Variants in ARHGEF18 observed in about 807,000 individuals in gnomAD.
ARHGEF18 encodes Rho/Rac guanine nucleotide exchange factor 18.
A neutral mutation model predicts 155.7 loss-of-function variants in ARHGEF18; 93 were observed. The ratio of observed to expected loss-of-function variants is 0.60; its 90% confidence interval spans 0.50 to 0.71. The LOEUF (loss-of-function observed/expected upper bound fraction) is 0.71. Ranked by LOEUF, ARHGEF18 falls within the 30% of genes least tolerant of loss-of-function variation. The probability of loss-of-function intolerance (pLI) is 0.00; values close to 1 mark genes in which losing one functional copy is unlikely to be tolerated. For missense variants in ARHGEF18, 1,593 were observed against 1,816.1 expected (o/e 0.88, Z 2.23); for synonymous variants, 742 against 753.1 (o/e 0.99, Z 0.24).
At chr19:7,437,379 G>A (rs62109763) in intron 10 of ARHGEF18, among the ~76,000 whole-genome samples, 60,091 of 148,792 alleles carry the variant, frequency 0.4, 12,753 homozygotes, top group East Asian at 0.6. Flanking sequence ...CTGAGATCAC[G>A]CCATTGCACT....
intron 10 of ARHGEF18, among the ~76,000 whole-genome samples, chr19:7,383,558 A>C (rs1328403480): frequency 6.6e-6 from 1 of 152,102 alleles, no homozygotes; most frequent in African/African-American, 2.4e-5. Flanking sequence ...GGGGGCTTAA[A>C]GTCTGAGATC....
At chr19:7,380,226 C>A (rs1028383239) in intron 7 of ARHGEF18, among the ~76,000 whole-genome samples, 1 of 151,862 alleles carries the variant, frequency 6.6e-6, no homozygotes, top group African/African-American at 2.4e-5. Context: ...CACCTGTAAT[C>A]CCAGCACTTT....
intron 10 of ARHGEF18, among the ~76,000 whole-genome samples, chr19:7,392,174 G>C (rs1971438506): frequency 6.8e-6 from 1 of 147,742 alleles, no homozygotes; most frequent in South Asian, 2.2e-4. Context: ...CTGGGAGGTG[G>C]AGTTTGCAGT....
chr19:7,458,320 A>AT (rs1975980192), intron 18 of ARHGEF18, among the ~76,000 whole-genome samples, 192 bp from the exon 19 acceptor site: 1 of 139,558 alleles, frequency 7.2e-6, no homozygotes, highest in Non-Finnish European at 1.6e-5. Flanking sequence ...AAAAAAAAAA[A>AT]GGTTTCTAGG....
At position 7,375,772 on chromosome 19, in the gene ARHGEF18, C is replaced by A. The variant is rs1288414612; in HGVS notation, c.328C>A (p.Leu110Met). The A allele has an allele frequency of 1.1e-5, 13 of 1,234,420 alleles. No individual in the cohort carries two copies. Among genetic ancestry groups the A allele is most frequent in the Non-Finnish European group, 1.2e-5 (12 of 988,290 alleles). 76.5% of individuals were successfully genotyped at this position (1,234,420 alleles called of 1,614,324 possible). A position where few individuals can be genotyped will look rare whatever the true frequency, so the allele number is the denominator to read the frequency against. The change falls in exon 4 of 29, where the codon CTG (leucine) becomes ATG (methionine). Residue 110 changes from leucine to methionine, a missense_variant. By Grantham distance (15) the Leu-to-Met change is conservative. Coordinates refer to ENST00000668164, the MANE Select transcript of ARHGEF18 (RefSeq NM_001367823.1). The part of the protein sequence containing the change: ...VDEEPCLPRT[L>M]ASLALNLPGG... ...TGAGGAACCCTGTCTCCCCCGAACA[C>A]TGGCCAGCCTTGCTTTGAACCTGCC...
rs1401677186 is a variant in ARHGEF18 at position 7,408,326 on chromosome 19, A to T, written c.967+25123A>T. On this transcript the variant is annotated intron_variant, in intron 10 of 28. Coordinates refer to ENST00000668164, the MANE Select transcript of ARHGEF18 (RefSeq NM_001367823.1). ...ATAAATATTTCAGGCTTTGCAGCCC[A>T]CATAGCCTCTGTCACAGCCACTCAA... is the stretch of plus-strand genomic sequence containing the variant. 2.6e-5 allele frequency among the ~76,000 whole-genome samples: 4 copies of T among 152,178 alleles called. No individual in the cohort carries two copies. In the East Asian group the frequency reaches 7.7e-4, roughly 29 times the overall value.
At chr19:7,448,088 G>A (rs1005835705) in intron 15 of ARHGEF18, among the ~76,000 whole-genome samples, 1 of 152,222 alleles carries the variant, frequency 6.6e-6, no homozygotes, top group African/African-American at 2.4e-5. Flanking sequence ...CTCAGTATGG[G>A]ACCTGCTGAC....
In ARHGEF18 at chr19:7,456,370, A is replaced by C; in HGVS notation, c.2148A>C (p.Gln716His). The change falls in exon 18 of 29, where the codon CAA becomes CAC. Residue 716 changes from glutamine to histidine, a missense_variant. Coordinates refer to ENST00000668164, the MANE Select transcript of ARHGEF18 (RefSeq NM_001367823.1). ...ILLTDVLLLL[Q>H]EKDQKYVFAS... Reference sequence around the variant, plus strand: ...TGACCGACGTACTTTTGCTGCTACAAGAAAAAGATCAGAAATACGTCTTTG... The same window carrying C: ...TGACCGACGTACTTTTGCTGCTACACGAAAAAGATCAGAAATACGTCTTTG... The C allele has an allele frequency of 6.2e-7, 1 of 1,614,158 alleles. No individual in the cohort carries two copies. The highest frequency in any genetic ancestry group is 1.1e-5 in the South Asian group (1 of 91,084).
chr19:7,467,553 CA>C lies in ARHGEF18; in HGVS notation c.3350del (p.Gln1117ArgfsTer64). On this transcript the variant is annotated frameshift_variant, in exon 26 of 29. Coordinates refer to ENST00000668164, the MANE Select transcript of ARHGEF18 (RefSeq NM_001367823.1). LOFTEE classifies it high-confidence loss of function. ...GCTGGAGCGCCAGCGCCAGGCCTAC[CA>C]GCACGACCTGGAGCGGCTGCGCGAG... ...AELERQRQAY[Q>X]HDLERLREAQ... 6.8e-7 allele frequency: 1 copy of C among 1,479,222 alleles called. No homozygotes were observed. The allele number at this position is 1,479,222 out of a possible 1,614,324, so 91.6% of individuals were successfully genotyped here.
At chr19:7,386,019 C>CCT (rs1340627857) in intron 10 of ARHGEF18, among the ~76,000 whole-genome samples, 1 of 118,324 alleles carries the variant, frequency 8.5e-6, no homozygotes, top group Non-Finnish European at 1.8e-5. Flanking sequence ...TCTCTCTCTC[C>CCT]CTCTCCCTCT....
At chr19:7,398,142 G>C (rs1436429741) in intron 10 of ARHGEF18, among the ~76,000 whole-genome samples, 1 of 152,020 alleles carries the variant, frequency 6.6e-6, no homozygotes, top group African/African-American at 2.4e-5. Flanking sequence ...GTGTGATCTT[G>C]GCTCACTACA....
Position 7,372,796 on chromosome 19 carries a change from C to A in ARHGEF18, c.16-16C>A. Reference sequence around the variant, plus strand: ...GTCAATGTCTTCTTCTCCCTCCTCACCTTCCCAACCTACAGGAGGATGATT... The same window carrying A: ...GTCAATGTCTTCTTCTCCCTCCTCAACTTCCCAACCTACAGGAGGATGATT... On this transcript the variant is annotated splice_polypyrimidine_tract_variant and intron_variant, in intron 2 of 28. Coordinates refer to ENST00000668164, the MANE Select transcript of ARHGEF18 (RefSeq NM_001367823.1). 1 of 1,234,502 alleles carries A rather than the reference C, an allele frequency of 8.1e-7. No individual in the cohort carries two copies. The highest frequency in any genetic ancestry group is 1.0e-6 in the Non-Finnish European group (1 of 988,254). 76.5% of individuals were successfully genotyped at this position (1,234,502 alleles called of 1,614,324 possible).
At chr19:7,415,706 G>A (rs1009729135) in intron 10 of ARHGEF18, among the ~76,000 whole-genome samples, 6 of 151,672 alleles carry the variant, frequency 4.0e-5, no homozygotes, top group African/African-American at 7.3e-5. Context: ...CCCACCACAT[G>A]ACAGGCCTCG....
At position 7,395,546 on chromosome 19, in the gene ARHGEF18, G is replaced by C. The variant is rs1191989837; in HGVS notation, c.967+12343G>C. 1.3e-5 allele frequency among the ~76,000 whole-genome samples: 2 copies of C among 152,138 alleles called. No homozygotes were observed. The highest frequency in any genetic ancestry group is 3.9e-4 in the East Asian group (2 of 5,170). ...TACTCTCCTCCAGGAGAGGAGAGGA[G>C]GGGTCACTTGGGCCCCAGCCTCTGC... On this transcript the variant is annotated intron_variant, in intron 10 of 28. Coordinates refer to ENST00000668164, the MANE Select transcript of ARHGEF18 (RefSeq NM_001367823.1). This position sits in a 1 kb window ranked among gnomAD's most constrained non-coding sequence, Gnocchi z 5.0.
At chr19:7,355,727 G>A (rs1454932401) in intron 1 of ARHGEF18, 64 of 985,118 alleles carry the variant, frequency 6.5e-5, no homozygotes, top group South Asian at 4.7e-4. Flanking sequence ...AGTGACCAGC[G>A]GGAGCCATCC....
chr19:7,409,057 CTTTTTTTTTTTTTT>C (rs1013156166), intron 10 of ARHGEF18, among the ~76,000 whole-genome samples: 1 of 115,534 alleles, frequency 8.7e-6, no homozygotes, highest in Non-Finnish European at 1.7e-5. Context: ...GACCCTGTTT[CTTTTTTTTTTTTTT>C]TTTTTTGAGT....
chr19:7,386,338 G>A (rs970721583), intron 10 of ARHGEF18, among the ~76,000 whole-genome samples: 2 of 151,886 alleles, frequency 1.3e-5, no homozygotes, highest in Non-Finnish European at 2.9e-5. Context: ...TGGGGCTGTG[G>A]TGTGGGGCCG....
At chr19:7,450,902 C>CTG (rs1975388193) in intron 15 of ARHGEF18, among the ~76,000 whole-genome samples, 1 of 1,558 alleles carries the variant, frequency 6.4e-4, no homozygotes, top group African/African-American at 2.6e-3. Flanking sequence ...CTTGCTGTAC[C>CTG]TTTCTGAGAT....
At chr19:7,389,720 A>G (rs558584061) in intron 10 of ARHGEF18, among the ~76,000 whole-genome samples, 3 of 151,772 alleles carry the variant, frequency 2.0e-5, no homozygotes, top group Admixed American at 2.0e-4. Context: ...TTTTTAGTAG[A>G]GACAGGGTTT....
Sources: allele counts gnomAD v4.1 joint callset (sites outside exome capture counted in the v4.1 genomes callset), GRCh38; gene constraint gnomAD v4.1.1; non-coding constraint Gnocchi (gnomAD v3.1); transcripts MANE v1.5; gene names NCBI Gene and HGNC (gene_info 2026-07-23, HGNC 2026-07-21).